Variants in MAPK10 observed in about 807,000 individuals in gnomAD.
MAPK10 encodes the protein mitogen-activated protein kinase 10.
Under a neutral mutation model 59.3 loss-of-function variants are expected in MAPK10, and 25 were observed. The ratio of observed to expected loss-of-function variants is 0.42; its 90% CI spans 0.31 to 0.59. The LOEUF (loss-of-function observed/expected upper bound fraction) is 0.59. Among genes scored for constraint, MAPK10 ranks in the 20% least tolerant of loss-of-function variants. The pLI, the probability that MAPK10 is intolerant of heterozygous loss-of-function variation, is 0.15. For missense variants in MAPK10, 351 were observed against 568.9 expected (o/e 0.62, Z 3.90); for synonymous variants, 190 against 200.5 (o/e 0.95, Z 0.44).
intron 2 of MAPK10, among the ~76,000 whole-genome samples, chr4:86,276,893 A>G (rs2148786845): frequency 6.6e-6 from 1 of 152,278 alleles, no homozygotes; most frequent in East Asian, 1.9e-4. Context: ...ATTTGGACCC[A>G]AAGTCTGTCT....
intron 1 of MAPK10, among the ~76,000 whole-genome samples, chr4:86,580,290 G>C (rs890160646): frequency 6.6e-6 from 1 of 152,112 alleles, no homozygotes; most frequent in Non-Finnish European, 1.5e-5. Flanking sequence ...CTTGAGGTCA[G>C]GAGTTTGAGA....
intron 13 of MAPK10, chr4:86,028,977 G>A: frequency 1.7e-6 from 1 of 590,650 alleles, no homozygotes; most frequent in Admixed American, 2.6e-5. Flanking sequence ...AATTATTTAT[G>A]AAAAAGTTTT....
intron 1 of MAPK10, among the ~76,000 whole-genome samples, chr4:86,475,485 G>C (rs1045389385): frequency 2.0e-5 from 3 of 151,980 alleles, no homozygotes; most frequent in Non-Finnish European, 4.4e-5. Context: ...CTTAATTTCA[G>C]TTCCTTTCCT....
chr4:86,471,965 T>C (rs552965831), intron 1 of MAPK10, among the ~76,000 whole-genome samples: 17 of 152,328 alleles, frequency 1.1e-4, no homozygotes, highest in African/African-American at 3.8e-4. Context: ...GTTGTAGTTA[T>C]TGAAAAAATT....
intron 2 of MAPK10, among the ~76,000 whole-genome samples, chr4:86,325,635 G>A (rs2096006187): frequency 6.6e-6 from 1 of 152,160 alleles, no homozygotes; most frequent in Non-Finnish European, 1.5e-5. Context: ...AAATAAAAAT[G>A]ACATTAGAAC....
At chr4:86,550,554 C>G (rs1759696452) in intron 1 of MAPK10, among the ~76,000 whole-genome samples, 1 of 151,934 alleles carries the variant, frequency 6.6e-6, no homozygotes, top group African/African-American at 2.4e-5. Context: ...CAAAAATTAG[C>G]CAGGTGTGGT....
chr4:86,039,235 C>T (rs2040978908), intron 11 of MAPK10, among the ~76,000 whole-genome samples: 1 of 152,154 alleles, frequency 6.6e-6, no homozygotes, highest in African/African-American at 2.4e-5. Context: ...TGAGAGATTT[C>T]AGCACCTGGG....
chr4:86,302,032 CA>C (rs11284646), intron 2 of MAPK10, among the ~76,000 whole-genome samples: 39,645 of 147,544 alleles, frequency 0.27, 5,407 homozygotes, highest in South Asian at 0.43. Context: ...TTTTTAAAAG[CA>C]AAAAAAAAAA....
chr4:86,557,306 C>T (rs1009184855), intron 1 of MAPK10, among the ~76,000 whole-genome samples: 9 of 151,926 alleles, frequency 5.9e-5, no homozygotes, highest in Admixed American at 4.6e-4. Flanking sequence ...TAACAACCTC[C>T]CAAGTTATGT....
intron 2 of MAPK10, among the ~76,000 whole-genome samples, chr4:86,269,290 G>A (rs2094355056): frequency 6.6e-6 from 1 of 152,038 alleles, no homozygotes; most frequent in Admixed American, 6.6e-5. Flanking sequence ...TATGACATAT[G>A]CCTAAACTCC....
At chr4:86,372,756 T>G (rs1031037402) in intron 1 of MAPK10, among the ~76,000 whole-genome samples, 3 of 152,102 alleles carry the variant, frequency 2.0e-5, no homozygotes, top group African/African-American at 7.2e-5. Flanking sequence ...GGGACACAGC[T>G]AAAGCAGTGT....
At chr4:86,174,582 G>A (rs1308143828) in intron 3 of MAPK10, among the ~76,000 whole-genome samples, 1 of 152,144 alleles carries the variant, frequency 6.6e-6, no homozygotes, top group Admixed American at 6.5e-5. Flanking sequence ...TGCACTTTCT[G>A]CAAATGTATC....
intron 11 of MAPK10, among the ~76,000 whole-genome samples, chr4:86,059,687 C>T (rs916404661): frequency 6.6e-6 from 1 of 152,128 alleles, no homozygotes; most frequent in Non-Finnish European, 1.5e-5. Context: ...TTTACCAAAT[C>T]ACCTTCCAGC....
intron 1 of MAPK10, among the ~76,000 whole-genome samples, chr4:86,422,842 C>T (rs946335898): frequency 6.6e-6 from 1 of 152,060 alleles, no homozygotes. Flanking sequence ...AGTGGAAAAT[C>T]GTAGCAAACA....
At chr4:86,032,760 A>C (rs957221244) in intron 11 of MAPK10, among the ~76,000 whole-genome samples, 1 of 152,202 alleles carries the variant, frequency 6.6e-6, no homozygotes, top group South Asian at 2.1e-4. Context: ...CATCCTGCAA[A>C]GTATCTGGCT....
intron 1 of MAPK10, among the ~76,000 whole-genome samples, chr4:86,566,738 T>C (rs1262312057): frequency 6.6e-6 from 1 of 151,656 alleles, no homozygotes; most frequent in Non-Finnish European, 1.5e-5. Context: ...GTCTATATTG[T>C]AACTAATCAT....
At chr4:86,165,460 C>A (rs1301498217) in intron 3 of MAPK10, among the ~76,000 whole-genome samples, 1 of 151,252 alleles carries the variant, frequency 6.6e-6, no homozygotes, top group East Asian at 1.9e-4. Context: ...TTGCTGCAGC[C>A]TTGAACTCCT....
chr4:86,320,816 C>T lies in MAPK10; in HGVS notation c.-7+33714G>A, dbSNP rs371549197. On this transcript the variant is annotated intron_variant, in intron 2 of 13. Coordinates refer to ENST00000641462, the MANE Select transcript of MAPK10 (RefSeq NM_138982.4). ...TCTAACGTTTAAGTCTTTAATCCAT[C>T]TTGAATTAATTTTTGTATAAGCTGT... is the stretch of plus-strand genomic sequence containing the variant. 7.2e-5 allele frequency among the ~76,000 whole-genome samples: 11 copies of T among 152,196 alleles called. No individual in the cohort carries two copies. The South Asian group carries it at 1.2e-3, about 17-fold the overall frequency.
At chr4:86,044,274 T>C (rs902741041) in intron 11 of MAPK10, among the ~76,000 whole-genome samples, 2 of 152,190 alleles carry the variant, frequency 1.3e-5, no homozygotes, top group African/African-American at 4.8e-5. Flanking sequence ...CTCTAGTTTA[T>C]GGTTCAGCTA....
Sources: allele counts gnomAD v4.1 joint callset (sites outside exome capture counted in the v4.1 genomes callset), GRCh38; gene constraint gnomAD v4.1.1; transcripts MANE v1.5; gene names NCBI Gene and HGNC (gene_info 2026-07-23, HGNC 2026-07-21).